KALRN: variants seen among roughly 807,000 people sequenced by gnomAD.
KALRN encodes the protein kalirin RhoGEF kinase, also known as kalirin.
A neutral mutation model predicts 353.7 loss-of-function variants in KALRN; 70 were observed. The observed-to-expected ratio is 0.20, with a 90% CI of 0.16 to 0.24. The LOEUF (loss-of-function observed/expected upper bound fraction) is 0.24. Ranked by LOEUF, KALRN falls within the 10% of genes least tolerant of loss-of-function variation. The probability of loss-of-function intolerance (pLI) is 1.00; values close to 1 mark genes in which losing one functional copy is unlikely to be tolerated. For synonymous variants in KALRN, 1,391 were observed against 1,434.8 expected (o/e 0.97, Z 0.69); for missense variants, 2,791 against 3,756.7 (o/e 0.74, Z 6.72).
At chr3:124,216,400 G>A (rs2150559205) in intron 1 of KALRN, among the ~76,000 whole-genome samples, 1 of 152,288 alleles carries the variant, frequency 6.6e-6, no homozygotes, top group South Asian at 2.1e-4. Flanking sequence ...ACGATTTAGG[G>A]TGTCATAGAT....
intron 1 of KALRN, among the ~76,000 whole-genome samples, chr3:124,098,811 A>G (rs2061634888): frequency 6.6e-6 from 1 of 152,196 alleles, no homozygotes; most frequent in South Asian, 2.1e-4. Context: ...CATAAGTAAA[A>G]AAGAGTCAAC....
chr3:124,445,292 T>G (rs779374616), intron 19 of KALRN, among the ~76,000 whole-genome samples: 6 of 152,222 alleles, frequency 3.9e-5, no homozygotes, highest in Non-Finnish European at 7.3e-5. Context: ...ATTGTATATT[T>G]TGTTAATATC....
At chr3:124,517,258 A>G (rs565238868) in intron 33 of KALRN, among the ~76,000 whole-genome samples, 1 of 152,296 alleles carries the variant, frequency 6.6e-6, no homozygotes, top group East Asian at 1.9e-4. Context: ...CTGAATCCTA[A>G]GTATACCTTA....
At chr3:124,617,062 T>C (rs9754916) in intron 34 of KALRN, among the ~76,000 whole-genome samples, 13,492 of 152,122 alleles carry the variant, frequency 0.089, 652 homozygotes, top group East Asian at 0.13. Context: ...CTGGGCGTGG[T>C]GGCTCACGTC....
chr3:124,355,707 A>ATTTTT (rs1321114015), intron 10 of KALRN, among the ~76,000 whole-genome samples: 12 of 87,382 alleles, frequency 1.4e-4, no homozygotes, highest in East Asian at 8.6e-4. Context: ...ACTCTCTCCC[A>ATTTTT]TCTTTTTTTT....
chr3:124,067,028 A>T (rs546672830), intron 1 of KALRN, among the ~76,000 whole-genome samples: 1 of 152,346 alleles, frequency 6.6e-6, no homozygotes, highest in East Asian at 1.9e-4. Flanking sequence ...GCAGACTTCA[A>T]ATCCCCAAAT....
intron 33 of KALRN, among the ~76,000 whole-genome samples, chr3:124,504,319 C>G (rs1486906126): frequency 1.3e-5 from 2 of 152,006 alleles, no homozygotes; most frequent in East Asian, 1.9e-4. Flanking sequence ...AGTGACTTGC[C>G]TAGAGTCATG....
At chr3:124,681,007 G>T (rs1196628705) in intron 51 of KALRN, among the ~76,000 whole-genome samples, 2 of 152,150 alleles carry the variant, frequency 1.3e-5, no homozygotes, top group Non-Finnish European at 2.9e-5. Context: ...CCAGACCTAA[G>T]TATTGCCAGC....
At chr3:124,666,213 T>A (rs2085596089) in intron 45 of KALRN, among the ~76,000 whole-genome samples, 1 of 152,204 alleles carries the variant, frequency 6.6e-6, no homozygotes, top group African/African-American at 2.4e-5. Context: ...TGTTTCTCAG[T>A]GGTTCCGCAG....
At chr3:124,495,957 G>GTGTGTATATATATATATATA (rs1377097482) in intron 32 of KALRN, among the ~76,000 whole-genome samples, 1 of 44,224 alleles carries the variant, frequency 2.3e-5, no homozygotes, top group Admixed American at 2.5e-4. Context: ...GTGTGTATGT[G>GTGTGTATATATATATATATA]TATGTATGTA....
chr3:124,590,533 T>C (rs1307126860), intron 34 of KALRN, among the ~76,000 whole-genome samples: 1 of 152,198 alleles, frequency 6.6e-6, no homozygotes, highest in African/African-American at 2.4e-5. Context: ...GCATACCTTC[T>C]GGAGTAGTGT....
chr3:124,577,293 A>T (rs957317160), intron 34 of KALRN, among the ~76,000 whole-genome samples: 57 of 152,090 alleles, frequency 3.7e-4, no homozygotes, highest in African/African-American at 1.2e-3. Context: ...AGAGGCAAAC[A>T]GGTGTCAATT....
chr3:124,417,108 A>G (rs1003596434), intron 14 of KALRN, among the ~76,000 whole-genome samples: 3 of 152,240 alleles, frequency 2.0e-5, no homozygotes, highest in Non-Finnish European at 4.4e-5. Context: ...TAATTTGCTC[A>G]TTGTTCTTTC....
intron 13 of KALRN, among the ~76,000 whole-genome samples, chr3:124,411,788 A>G (rs1471891379): frequency 6.6e-6 from 1 of 152,118 alleles, no homozygotes; most frequent in Non-Finnish European, 1.5e-5. Flanking sequence ...TCATCAGTCT[A>G]ACCCCTTTCT....
At chr3:124,716,430 AC>A (rs1329475115) in intron 58 of KALRN, among the ~76,000 whole-genome samples, 1 of 152,214 alleles carries the variant, frequency 6.6e-6, no homozygotes, top group Non-Finnish European at 1.5e-5. Flanking sequence ...AAGCTGAGAC[AC>A]CAGAATCGCT....
intron 1 of KALRN, among the ~76,000 whole-genome samples, chr3:124,222,658 G>A (rs931772212): frequency 6.6e-6 from 1 of 152,174 alleles, no homozygotes; most frequent in Non-Finnish European, 1.5e-5. Flanking sequence ...CTGGAGTGAA[G>A]TGGCATGATC....
intron 34 of KALRN, among the ~76,000 whole-genome samples, chr3:124,593,153 T>C (rs916991244): frequency 2.0e-5 from 3 of 152,160 alleles, no homozygotes; most frequent in Admixed American, 1.3e-4. Flanking sequence ...TTCATATTGC[T>C]CCTGTGGGGA....
chr3:124,483,142 A>G (rs2062161761), intron 28 of KALRN, among the ~76,000 whole-genome samples: 1 of 152,156 alleles, frequency 6.6e-6, no homozygotes, highest in South Asian at 2.1e-4. Flanking sequence ...TCTACCTACC[A>G]CTGCACAGCT....
chr3:124,227,882 G>T, intron 1 of KALRN, 108 bp from the exon 2 acceptor site: 1 of 879,686 alleles, frequency 1.1e-6, no homozygotes, highest in Non-Finnish European at 1.9e-6. Flanking sequence ...ACCTGGACAA[G>T]GCAGGACTTG....
Sources: gnomAD v4.1 joint callset for allele counts (sites outside exome capture counted in the v4.1 genomes callset) on GRCh38, gnomAD v4.1.1 for gene constraint, MANE v1.5 for transcripts, NCBI Gene and HGNC (gene_info 2026-07-23, HGNC 2026-07-21) for gene names.